Variants in PGA5 observed in about 807,000 individuals in gnomAD.
The protein encoded by PGA5 is pepsinogen A5.
Under a neutral mutation model 15.9 loss-of-function variants are expected in PGA5, and 19 were observed. The observed-to-expected ratio is 1.19, with a 90% CI of 0.83 to 1.75. PGA5 has a LOEUF of 1.75. Among genes scored for constraint, PGA5 ranks in the 40% most tolerant of loss-of-function variants. The pLI, the probability that PGA5 is intolerant of heterozygous loss-of-function variation, is 0.00. For synonymous variants in PGA5, 92 were observed against 95.8 expected (o/e 0.96, Z 0.23); for missense variants, 224 against 246.4 (o/e 0.91, Z 0.61).
chr11:61,247,100 TC>T (rs1236012801), intron 5 of PGA5, among the ~76,000 whole-genome samples: 2 of 151,932 alleles, frequency 1.3e-5, no homozygotes, highest in African/African-American at 4.9e-5. Context: ...CCTCTAACAC[TC>T]ACCTACATCG....
rs1317908621 is a variant in PGA5, at chr11:61,251,321, T to G, written c.*40T>G. The stretch of plus-strand genomic sequence containing the variant: ...AGCCACCTCCCAGGAAGATCTGGCC[T>G]CCGTCCTATGCCCACTTTAGATGTA... On this transcript the variant is annotated 3_prime_UTR_variant, in exon 9 of 9. Transcript: ENST00000312403. 1 of 1,611,724 alleles carries G rather than the reference T, an allele frequency of 6.2e-7. No homozygotes were observed. Among genetic ancestry groups the G allele is most frequent in the African/African-American group, 1.3e-5 (1 of 74,730 alleles).
chr11:61,250,856 A>C (rs603061), intron 8 of PGA5: 79,142 of 674,018 alleles, frequency 0.12, 5,364 homozygotes, highest in Non-Finnish European at 0.15. Flanking sequence ...GCTGAATTCT[A>C]CCTAAGCCCC....
chr11:61,247,470 G>A (rs1854080201), intron 5 of PGA5, among the ~76,000 whole-genome samples: 1 of 151,584 alleles, frequency 6.6e-6, no homozygotes, highest in Non-Finnish European at 1.5e-5. Flanking sequence ...GTAGAGATGG[G>A]GTTTCACCCT....
chr11:61,247,595 A>T (rs976925825), intron 5 of PGA5, among the ~76,000 whole-genome samples: 1 of 151,944 alleles, frequency 6.6e-6, no homozygotes, highest in African/African-American at 2.4e-5. Context: ...TTAATTTCTT[A>T]TTGCCGTCTA....
intron 5 of PGA5, among the ~76,000 whole-genome samples, chr11:61,247,038 T>C (rs1854073772): frequency 6.6e-6 from 1 of 151,992 alleles, no homozygotes; most frequent in Non-Finnish European, 1.5e-5. Flanking sequence ...GAGTAGAGTG[T>C]TATGCAAGAA....
chr11:61,245,909 A>T (rs1429842417), intron 4 of PGA5, 37 bp from the exon 5 acceptor site: 22 of 194,180 alleles, frequency 1.1e-4, no homozygotes, highest in South Asian at 6.1e-4. Context: ...AGTGAACATG[A>T]CCCGATGGTG....
chr11:61,245,740 A>G, intron 4 of PGA5: 1 of 72,846 alleles, frequency 1.4e-5, no homozygotes, highest in Non-Finnish European at 2.2e-5. Context: ...CATAGACTGT[A>G]GCCATCTGGA....
intron 5 of PGA5, chr11:61,248,016 G>C: frequency 1.7e-6 from 1 of 597,020 alleles, no homozygotes; most frequent in Non-Finnish European, 3.0e-6. Context: ...TCCCAGCTAA[G>C]AACCAGTGAC....
chr11:61,250,893 C>T (rs992303092), intron 8 of PGA5, among the ~76,000 whole-genome samples: 9 of 151,904 alleles, frequency 5.9e-5, no homozygotes, highest in Non-Finnish European at 1.2e-4. Context: ...TGTCAGGGTT[C>T]GTGTGCCTGC....
intron 5 of PGA5, chr11:61,248,046 A>G (rs1744633453): frequency 1.6e-6 from 1 of 607,150 alleles, no homozygotes; most frequent in African/African-American, 1.9e-5. Context: ...CAAGTCCTTA[A>G]GAGCGGACAC....
At chr11:61,248,005 C>A in intron 5 of PGA5, 1 of 594,156 alleles carries the variant, frequency 1.7e-6, no homozygotes, top group African/African-American at 1.9e-5. Flanking sequence ...GGCAAAACTG[C>A]TCCCAGCTAA....
At chr11:61,248,312 A>G in intron 5 of PGA5, 107 bp from the exon 6 acceptor site, 1 of 1,612,530 alleles carries the variant, frequency 6.2e-7, no homozygotes, top group Non-Finnish European at 8.5e-7. Flanking sequence ...ACCCCAGGAC[A>G]GCCCTGGAAA....
At chr11:61,245,742 C>G in intron 4 of PGA5, 1 of 74,516 alleles carries the variant, frequency 1.3e-5, no homozygotes, top group African/African-American at 3.1e-4. Context: ...TAGACTGTAG[C>G]CATCTGGAGA....
chr11:61,248,849 T>G (rs981671099), intron 6 of PGA5, among the ~76,000 whole-genome samples: 9 of 152,070 alleles, frequency 5.9e-5, no homozygotes, highest in African/African-American at 2.2e-4. Context: ...TCCACGCATC[T>G]CACAATTTAA....
chr11:61,251,006 T>C, intron 8 of PGA5, 126 bp from the exon 9 acceptor site: 3 of 1,577,068 alleles, frequency 1.9e-6, no homozygotes, highest in South Asian at 2.3e-5. Context: ...CCCTGGACAC[T>C]GAGCCAGGAA....
chr11:61,247,774 T>C (rs542822097), intron 5 of PGA5, among the ~76,000 whole-genome samples: 79 of 152,134 alleles, frequency 5.2e-4, no homozygotes, highest in Non-Finnish European at 1.0e-3. Context: ...AGCACTTAAA[T>C]ATTTCATGTG....
chr11:61,251,403 T>A lies in PGA5; in HGVS notation c.*122T>A. Reference sequence around the variant, plus strand: ...GTGTGAAGGTCTTGGCCCTGTTCCCTGTCCTACCAATAACGTAGAATAAAA... The same window carrying A: ...GTGTGAAGGTCTTGGCCCTGTTCCCAGTCCTACCAATAACGTAGAATAAAA... On this transcript the variant is annotated 3_prime_UTR_variant, in exon 9 of 9. Coordinates refer to ENST00000312403, the MANE Select transcript of PGA5 (RefSeq NM_014224.5). The A allele has an allele frequency of 6.7e-7, 1 of 1,502,220 alleles. No homozygotes were observed. Among genetic ancestry groups the A allele is most frequent in the South Asian group, 1.3e-5 (1 of 76,768 alleles). 93.1% of individuals were successfully genotyped at this position (1,502,220 alleles called of 1,614,324 possible).
At chr11:61,250,607 A>G (rs1854127757) in intron 8 of PGA5, 2 of 458,812 alleles carry the variant, frequency 4.4e-6, no homozygotes, top group Admixed American at 2.3e-5. Flanking sequence ...TTATTCAACA[A>G]GAAGCACTGA....
In PGA5 at chr11:61,251,292, C is replaced by A. The variant is rs1233785430; in HGVS notation, c.*11C>A. The stretch of plus-strand genomic sequence containing the variant: ...GCCCCTGTGGCTTAAGCCTAAGTCT[C>A]TTCAGCCACCTCCCAGGAAGATCTG... On this transcript the variant is annotated 3_prime_UTR_variant, in exon 9 of 9. Transcript: ENST00000312403. 3.1e-6 allele frequency: 5 copies of A among 1,611,884 alleles called. No individual in the cohort carries two copies. Among genetic ancestry groups the A allele is most frequent in the Admixed American group, 1.7e-5 (1 of 60,014 alleles).
Sources: gnomAD v4.1 joint callset for allele counts (sites outside exome capture counted in the v4.1 genomes callset) on GRCh38, gnomAD v4.1.1 for gene constraint, MANE v1.5 for transcripts, NCBI Gene and HGNC (gene_info 2026-07-23, HGNC 2026-07-21) for gene names.